GALNT10: variants seen among roughly 807,000 people sequenced by gnomAD.
GALNT10 encodes the protein GalNAc transferase 10.
GALNT10 carries 41 observed loss-of-function variants against 75.0 expected under a neutral mutation model. That is an observed-to-expected ratio of 0.55 (90% CI 0.43 to 0.71). The LOEUF (loss-of-function observed/expected upper bound fraction) is 0.71. GALNT10 is among the 30% of genes least tolerant of loss of function. The pLI is 0.00. For missense variants in GALNT10, 727 were observed against 818.5 expected (o/e 0.89, Z 1.36); for synonymous variants, 302 against 313.0 (o/e 0.96, Z 0.37).
At position 154,329,679 on chromosome 5, in the gene GALNT10, A is replaced by G. The variant is rs143021082; in HGVS notation, c.509A>G (p.Asn170Ser). The G allele has an allele frequency of 7.1e-5, 114 of 1,613,576 alleles. 1 individual carries two copies. In the African/African-American group the frequency reaches 1.3e-3, roughly 19 times the overall value. ...SLLRTVHSVLNRSPPELVAEI... is the reference protein window; with the variant it reads ...SLLRTVHSVLSRSPPELVAEI... ...CTCCGCACCGTCCACAGTGTGCTCAATCGCTCGCCTCCAGAGCTGGTCGCC... is the reference window on the plus strand; with the variant it reads ...CTCCGCACCGTCCACAGTGTGCTCAGTCGCTCGCCTCCAGAGCTGGTCGCC... The change falls in exon 4 of 12, where the codon AAT becomes AGT. Residue 170 changes from asparagine to serine, a missense_variant. By Grantham distance (46) the Asn-to-Ser change is conservative. Coordinates refer to ENST00000297107, the MANE Select transcript of GALNT10 (RefSeq NM_198321.4).
intron 1 of GALNT10, among the ~76,000 whole-genome samples, chr5:154,245,394 A>T (rs925000109): frequency 1.3e-5 from 2 of 152,138 alleles, no homozygotes; most frequent in Non-Finnish European, 2.9e-5. Context: ...GACATGGGTG[A>T]TCTCATTTTA....
chr5:154,387,669 C>A (rs1755826629), intron 7 of GALNT10: 1 of 152,084 alleles, frequency 6.6e-6, no homozygotes. Flanking sequence ...AAACGTTAAT[C>A]CTCACAGAGT....
chr5:154,316,525 G>A (rs1443820135), intron 3 of GALNT10, among the ~76,000 whole-genome samples: 2 of 152,206 alleles, frequency 1.3e-5, no homozygotes, highest in African/African-American at 4.8e-5. Flanking sequence ...TTTCTAGGCT[G>A]TTTTCATTTT....
At chr5:154,401,588 G>T (rs1282222647) in intron 7 of GALNT10, among the ~76,000 whole-genome samples, 1 of 152,186 alleles carries the variant, frequency 6.6e-6, no homozygotes, top group African/African-American at 2.4e-5. Context: ...CGAGACCAAT[G>T]TTCTGTTCTA....
rs1431373997 is a variant in GALNT10 at position 154,352,766 on chromosome 5, G to A, written c.568+23028G>A. The stretch of plus-strand genomic sequence containing the variant: ...ATTTAGTAGTGTGTGATGCTACAGA[G>A]CCCTTTAAATTGTGTTAATTGAGCA... On this transcript the variant is annotated intron_variant, in intron 4 of 11. Coordinates refer to ENST00000297107, the MANE Select transcript of GALNT10 (RefSeq NM_198321.4). This position sits in a 1 kb window ranked among gnomAD's most constrained non-coding sequence, Gnocchi z 4.4. 6.6e-6 allele frequency among the ~76,000 whole-genome samples: 1 copy of A among 152,196 alleles called. No individual in the cohort carries two copies. The highest frequency in any genetic ancestry group is 1.5e-5 in the Non-Finnish European group (1 of 68,030).
At chr5:154,291,708 A>G (rs1177384742) in intron 1 of GALNT10, among the ~76,000 whole-genome samples, 1 of 152,192 alleles carries the variant, frequency 6.6e-6, no homozygotes, top group African/African-American at 2.4e-5. Flanking sequence ...ATGGAACAAA[A>G]TAACTTCTCC....
intron 4 of GALNT10, among the ~76,000 whole-genome samples, chr5:154,351,634 G>A (rs928128172): frequency 7.9e-5 from 12 of 152,198 alleles, no homozygotes; most frequent in African/African-American, 2.9e-4. Flanking sequence ...CCGCTCGTCT[G>A]TAACCCACAG....
rs374330701 is a variant in GALNT10, at chr5:154,218,723, T to C, written c.159+27698T>C. Reference sequence around the variant, plus strand: ...TGAGAAGCAAGCAGCCCAGACAGAATTGGGGGGAGAGGGTGTAGATGGGAA... The same window carrying C: ...TGAGAAGCAAGCAGCCCAGACAGAACTGGGGGGAGAGGGTGTAGATGGGAA... On this transcript the variant is annotated intron_variant, in intron 1 of 11. Transcript: ENST00000297107. Among the ~76,000 whole-genome samples the C allele has an allele frequency of 4.9e-4, 75 of 152,194 alleles. 1 individual carries two copies. The highest frequency in any genetic ancestry group is 4.1e-3 in the East Asian group (21 of 5,166).
chr5:154,350,528 G>T (rs1463848274), intron 4 of GALNT10, among the ~76,000 whole-genome samples: 9 of 152,176 alleles, frequency 5.9e-5, no homozygotes, highest in Admixed American at 5.9e-4. Context: ...TGTATGTGCA[G>T]GGTTATTCAC....
chr5:154,261,292 C>T (rs1239985276), intron 1 of GALNT10, among the ~76,000 whole-genome samples: 7 of 151,922 alleles, frequency 4.6e-5, no homozygotes, highest in Non-Finnish European at 8.8e-5. Flanking sequence ...TTAGTTCAAC[C>T]TATTCACCTT....
chr5:154,227,464 T>C (rs1407089068), intron 1 of GALNT10, among the ~76,000 whole-genome samples: 1 of 152,270 alleles, frequency 6.6e-6, no homozygotes, highest in African/African-American at 2.4e-5. Context: ...TTTTTTGTTA[T>C]GTGTCTGTTA....
chr5:154,295,806 T>C (rs907269522), intron 2 of GALNT10, among the ~76,000 whole-genome samples: 8 of 152,192 alleles, frequency 5.3e-5, no homozygotes, highest in African/African-American at 1.9e-4. Flanking sequence ...CTCAGGATGT[T>C]ATTGTGAGGG....
chr5:154,280,839 C>T (rs1333853167), intron 1 of GALNT10, among the ~76,000 whole-genome samples: 1 of 152,154 alleles, frequency 6.6e-6, no homozygotes, highest in Admixed American at 6.5e-5. Flanking sequence ...ATTTTTTTGA[C>T]ATATGAATAT....
intron 1 of GALNT10, among the ~76,000 whole-genome samples, chr5:154,244,075 A>G (rs930820066): frequency 6.6e-6 from 1 of 152,340 alleles, no homozygotes; most frequent in East Asian, 1.9e-4. Flanking sequence ...GGACCATGAC[A>G]GCAAGCACTT....
At chr5:154,337,504 T>C in intron 4 of GALNT10, 1 of 732,932 alleles carries the variant, frequency 1.4e-6, no homozygotes, top group Non-Finnish European at 2.5e-6. Context: ...CTGCTGGTAC[T>C]AGAACTGCCA....
At chr5:154,196,915 C>G (rs553873698) in intron 1 of GALNT10, among the ~76,000 whole-genome samples, 1 of 152,188 alleles carries the variant, frequency 6.6e-6, no homozygotes, top group African/African-American at 2.4e-5. Flanking sequence ...GAGAAGAAGC[C>G]CACAAATATC....
chr5:154,193,396 G>A (rs1774891081), intron 1 of GALNT10, among the ~76,000 whole-genome samples: 1 of 152,214 alleles, frequency 6.6e-6, no homozygotes, highest in Non-Finnish European at 1.5e-5. Flanking sequence ...TTGAATGTCA[G>A]CTGGCCTTGA....
chr5:154,299,282 C>T (rs987217320), intron 3 of GALNT10, among the ~76,000 whole-genome samples: 5 of 152,188 alleles, frequency 3.3e-5, no homozygotes, highest in Admixed American at 2.6e-4. Context: ...TTTAACAAGG[C>T]CTCCAGGAGA....
intron 1 of GALNT10, chr5:154,219,452 A>G (rs1295578306): frequency 6.6e-6 from 1 of 152,320 alleles, no homozygotes; most frequent in Non-Finnish European, 1.5e-5. Context: ...CTGTGTGACC[A>G]GTTTACTGTT....
Sources: gnomAD v4.1 joint callset for allele counts (sites outside exome capture counted in the v4.1 genomes callset) on GRCh38, gnomAD v4.1.1 for gene constraint, Gnocchi (gnomAD v3.1) non-coding constraint, MANE v1.5 for transcripts, NCBI Gene and HGNC (gene_info 2026-07-23, HGNC 2026-07-21) for gene names.